The following ATP2C1 variants were observed in gnomAD, a reference collection of about 807,000 sequenced individuals.
ATP2C1 encodes the protein calcium-transporting ATPase type 2C member 1.
In ATP2C1, 31 loss-of-function variants were observed where a neutral mutation model predicts 120.5. The observed-to-expected ratio is 0.26, with a 90% confidence interval of 0.19 to 0.35. The LOEUF (loss-of-function observed/expected upper bound fraction) is 0.35. Ranked by LOEUF, ATP2C1 falls within the 10% of genes least tolerant of loss-of-function variation. ATP2C1 has a pLI of 1.00. For missense variants in ATP2C1, 731 were observed against 1,107.5 expected (o/e 0.66, Z 4.83); for synonymous variants, 351 against 358.7 (o/e 0.98, Z 0.24).
At chr3:130,862,401 G>T (rs544658863) in intron 1 of ATP2C1, among the ~76,000 whole-genome samples, 1 of 150,154 alleles carries the variant, frequency 6.7e-6, no homozygotes, top group Non-Finnish European at 1.5e-5. Context: ...GCGTGGTCCC[G>T]AACTCCTGGC....
chr3:130,874,656 T>C (rs983158216), intron 1 of ATP2C1, among the ~76,000 whole-genome samples: 6 of 152,146 alleles, frequency 3.9e-5, no homozygotes, highest in Non-Finnish European at 8.8e-5. Flanking sequence ...CCAGAGTTGG[T>C]TTATTTGTTA....
rs576071321 is a variant in ATP2C1, at chr3:130,878,395, TTTTG to T, written c.108+27471_108+27474del. On this transcript the variant is annotated intron_variant, in intron 1 of 26. Coordinates refer to the ATP2C1 transcript ENST00000504381. ...AATGTTTTGTGTACCCTTTGTTTCT[TTTTG>T]TTTTTCTTTGCAGTTTAATGATTTT... is the stretch of plus-strand genomic sequence containing the variant. Among the ~76,000 whole-genome samples the T allele has an allele frequency of 2.4e-3, 372 of 152,352 alleles. 3 individuals are homozygous for T. Among genetic ancestry groups the T allele is most frequent in the Non-Finnish European group, 3.3e-3 (224 of 68,028 alleles).
Position 130,955,016 on chromosome 3 carries a change from T to C in ATP2C1, c.692T>C (p.Val231Ala). 1 of 1,611,752 alleles carries C rather than the reference T, an allele frequency of 6.2e-7. No individual in the cohort carries two copies. Among genetic ancestry groups the C allele is most frequent in the Non-Finnish European group, 8.5e-7 (1 of 1,178,132 alleles). ...TTTTCCTGTTTTTCCCCTTAGGGTG[T>C]TGTCATTGGAACAGGAGAAAATTCT... ...TLVRCGKAKGVVIGTGENSEF... is the reference protein window; with the variant it reads ...TLVRCGKAKGAVIGTGENSEF... Residue 231 changes from valine (V) to alanine (A), a missense_variant, in exon 10 of 28, where the codon GTT becomes GCT. Physicochemically the swap from Val to Ala is moderately conservative, Grantham distance 64. Transcript: ENST00000510168.
intron 23 of ATP2C1, 140 bp downstream of exon 23, chr3:130,996,251 TA>T: frequency 1.4e-6 from 1 of 710,962 alleles, no homozygotes; most frequent in Non-Finnish European, 2.5e-6. Flanking sequence ...AAAGAAAATT[TA>T]TTGTATTCTG....
chr3:130,997,649 C>T lies in ATP2C1; in HGVS notation c.2287C>T (p.Pro763Ser). 3 of 1,613,692 alleles carry T rather than the reference C, an allele frequency of 1.9e-6. No individual in the cohort carries two copies. Among genetic ancestry groups the T allele is most frequent in the Non-Finnish European group, 2.5e-6 (3 of 1,179,742 alleles). Residue 763 changes from proline (P) to serine (S), a missense_variant, in exon 25 of 28, where the codon CCT becomes TCT. This residue lies in a region of ATP2C1 where 141 missense variants were observed against 201.6 expected (regional missense o/e 0.70). Transcript: ENST00000510168. ...GGATAAAGATGTCATTCGTAAACCT[C>T]CTCGCAACTGGAAAGACAGCATTTT... is the stretch of plus-strand genomic sequence containing the variant. ...PVDKDVIRKP[P>S]RNWKDSILTK... is the part of the protein sequence containing the mutation.
upstream of ATP2C1, among the ~76,000 whole-genome samples, chr3:130,890,747 G>C (rs1381117308): frequency 6.6e-6 from 1 of 152,190 alleles, no homozygotes; most frequent in Non-Finnish European, 1.5e-5. Flanking sequence ...AATTCTGGTA[G>C]ATGTTTGTTA....
rs546243552 is a variant in ATP2C1, at chr3:130,982,398, T to C, written c.1839+1719T>C. ...TTCTTTAAAGCCAGGTTCCCTGATA[T>C]GAGATTAACTTACTTTATTATCTTG... On this transcript the variant is annotated intron_variant, in intron 20 of 27. Transcript: ENST00000510168. Among the ~76,000 whole-genome samples, 41 of 152,306 alleles carry C rather than the reference T, an allele frequency of 2.7e-4. No homozygotes were observed. The South Asian group carries it at 4.6e-3, about 17-fold the overall frequency.
chr3:130,862,276 C>T (rs1013156316), intron 1 of ATP2C1, among the ~76,000 whole-genome samples: 1 of 150,904 alleles, frequency 6.6e-6, no homozygotes, highest in Non-Finnish European at 1.5e-5. Context: ...AGCCACTGTG[C>T]CCGGCCTTTA....
intron 14 of ATP2C1, among the ~76,000 whole-genome samples, chr3:130,965,428 C>T (rs1358666143): frequency 6.6e-6 from 1 of 152,028 alleles, no homozygotes; most frequent in Non-Finnish European, 1.5e-5. Context: ...GATGCCCTCA[C>T]TCCATAAGCA....
chr3:130,894,030 G>T (rs1417247576), upstream of ATP2C1: 5 of 986,492 alleles, frequency 5.1e-6, no homozygotes, highest in South Asian at 9.4e-5. This position sits in a 1 kb window ranked among gnomAD's most constrained non-coding sequence, Gnocchi z 4.5. Flanking sequence ...TGCGGGGCGC[G>T]ACTGGGCGGC....
At chr3:130,972,472 CT>C (rs76538100) in intron 17 of ATP2C1, among the ~76,000 whole-genome samples, 4,648 of 142,546 alleles carry the variant, frequency 0.033, 179 homozygotes, top group East Asian at 0.22. Flanking sequence ...TTTCTTCACT[CT>C]TTTTTTTTTT....
At chr3:130,921,574 A>G (rs1274036157) in intron 2 of ATP2C1, among the ~76,000 whole-genome samples, 3 of 152,162 alleles carry the variant, frequency 2.0e-5, no homozygotes, top group Non-Finnish European at 2.9e-5. Flanking sequence ...ATTGAATATA[A>G]TGTTGGCTGT....
chr3:130,904,158 AGGTCCT>A (rs1324956404), intron 2 of ATP2C1, among the ~76,000 whole-genome samples: 1 of 152,076 alleles, frequency 6.6e-6, no homozygotes, highest in East Asian at 1.9e-4. Context: ...TAGTACAAAG[AGGTCCT>A]GGATATCTTT....
At chr3:130,896,966 A>C (rs1247905991) in intron 2 of ATP2C1, among the ~76,000 whole-genome samples, 3 of 152,204 alleles carry the variant, frequency 2.0e-5, no homozygotes, top group Non-Finnish European at 4.4e-5. Flanking sequence ...TTTCTTCATA[A>C]AATAAAGATA....
At chr3:130,860,848 A>G (rs2067991425) in intron 1 of ATP2C1, among the ~76,000 whole-genome samples, 1 of 152,206 alleles carries the variant, frequency 6.6e-6, no homozygotes, top group African/African-American at 2.4e-5. Context: ...CATCATAACT[A>G]TTGTGTTTGG....
intron 2 of ATP2C1, among the ~76,000 whole-genome samples, chr3:130,926,737 G>A (rs192120779): frequency 2.1e-4 from 32 of 152,346 alleles, no homozygotes; most frequent in Non-Finnish European, 4.1e-4. Flanking sequence ...CTCAGCCCTT[G>A]GGCGTCGCCT....
chr3:130,935,994 A>G (rs2059653166), intron 5 of ATP2C1, among the ~76,000 whole-genome samples: 1 of 152,208 alleles, frequency 6.6e-6, no homozygotes, highest in African/African-American at 2.4e-5. Flanking sequence ...GACTTGGGTA[A>G]CCAGCAGATT....
At chr3:130,964,240 C>A in intron 13 of ATP2C1, 145 bp downstream of exon 13, 5 of 1,162,666 alleles carry the variant, frequency 4.3e-6, no homozygotes, top group Admixed American at 2.0e-5. Flanking sequence ...TTTTAACAAC[C>A]AAAAAAGGCA....
At chr3:130,942,485 A>T (rs970741976) in intron 8 of ATP2C1, among the ~76,000 whole-genome samples, 2 of 152,242 alleles carry the variant, frequency 1.3e-5, no homozygotes, top group Non-Finnish European at 2.9e-5. Flanking sequence ...ATTGGAATTA[A>T]GCTGTTTGTT....
Sources: gnomAD v4.1 joint callset for allele counts (sites outside exome capture counted in the v4.1 genomes callset) on GRCh38, gnomAD v4.1.1 for gene constraint, gnomAD v4.1.1 regional missense constraint, Gnocchi (gnomAD v3.1) non-coding constraint, MANE v1.5 for transcripts, NCBI Gene and HGNC (gene_info 2026-07-23, HGNC 2026-07-21) for gene names.